The following RETREG1 variants were observed in gnomAD, a reference collection of about 807,000 sequenced individuals.
RETREG1 encodes family with sequence similarity 134 member B.
A neutral mutation model predicts 54.8 loss-of-function variants in RETREG1; 44 were observed. The ratio of observed to expected loss-of-function variants is 0.80; its 90% CI spans 0.63 to 1.03. The LOEUF (loss-of-function observed/expected upper bound fraction) is 1.03. RETREG1 is among the 50% of genes least tolerant of loss of function. RETREG1 has a pLI of 0.00. For missense variants in RETREG1, 554 were observed against 605.1 expected (o/e 0.92, Z 0.89); for synonymous variants, 217 against 238.5 (o/e 0.91, Z 0.83).
Position 16,477,758 on chromosome 5 carries a change from A to C in RETREG1, c.904T>G (p.Ser302Ala). ...ISLTVAAKEL[S>A]VSDTDVSEVS... is the part of the protein sequence containing the mutation. ...TCTGAGACGTCTGTGTCAGACACAG[A>C]TAACTCTTTGGCAGCAACCGTGAGG... Residue 302 changes from serine (S) to alanine (A), a missense_variant, in exon 8 of 9, where the codon TCT (serine) becomes GCT (alanine). Ser to Ala is a moderately conservative substitution (Grantham distance 99). Transcript: ENST00000306320. The C allele has an allele frequency of 6.2e-7, 1 of 1,613,460 alleles. No individual in the cohort carries two copies.
At chr5:16,557,314 T>C (rs1031816917) in intron 3 of RETREG1, among the ~76,000 whole-genome samples, 1 of 152,234 alleles carries the variant, frequency 6.6e-6, no homozygotes, top group African/African-American at 2.4e-5. Flanking sequence ...TCATAATTTT[T>C]TATGTAGGTA....
chr5:16,583,224 T>C (rs1354816211), intron 1 of RETREG1, among the ~76,000 whole-genome samples: 1 of 152,020 alleles, frequency 6.6e-6, no homozygotes, highest in Non-Finnish European at 1.5e-5. Context: ...CTCACAGCTG[T>C]AATCCCAGCA....
chr5:16,574,820 A>G (rs1331946638), intron 1 of RETREG1, among the ~76,000 whole-genome samples: 2 of 152,242 alleles, frequency 1.3e-5, no homozygotes, highest in African/African-American at 2.4e-5. Flanking sequence ...AATTAGGAGC[A>G]TAGAAAGATG....
At chr5:16,499,281 C>T (rs956867032) in intron 3 of RETREG1, among the ~76,000 whole-genome samples, 6 of 152,142 alleles carry the variant, frequency 3.9e-5, no homozygotes, top group African/African-American at 1.4e-4. Flanking sequence ...ATTTCGTTTA[C>T]TTCAATCATG....
At chr5:16,559,048 A>G (rs1001166193) in intron 3 of RETREG1, among the ~76,000 whole-genome samples, 2 of 152,180 alleles carry the variant, frequency 1.3e-5, no homozygotes, top group African/African-American at 4.8e-5. Context: ...TTCTGGGCCT[A>G]TAAGCTGGGT....
At chr5:16,609,174 A>T (rs1743273489) in intron 1 of RETREG1, among the ~76,000 whole-genome samples, 1 of 152,156 alleles carries the variant, frequency 6.6e-6, no homozygotes, top group African/African-American at 2.4e-5. Flanking sequence ...CACTACAAAC[A>T]TTCTATTGAA....
intron 3 of RETREG1, among the ~76,000 whole-genome samples, chr5:16,488,934 T>C (rs1031362336): frequency 2.6e-5 from 4 of 151,798 alleles, no homozygotes; most frequent in Non-Finnish European, 4.4e-5. Context: ...AGTACAAAAA[T>C]TAGCCAGGCC....
At chr5:16,577,284 G>C (rs1211695399) in intron 1 of RETREG1, among the ~76,000 whole-genome samples, 1 of 130,692 alleles carries the variant, frequency 7.7e-6, no homozygotes, top group Admixed American at 8.0e-5. Context: ...ATAAGACTTA[G>C]GTTTGTTTTT....
chr5:16,547,345 G>A (rs760915285), intron 3 of RETREG1, among the ~76,000 whole-genome samples: 9 of 152,188 alleles, frequency 5.9e-5, no homozygotes, highest in African/African-American at 9.7e-5. Context: ...TATTTTATCC[G>A]AGGAAAACAT....
rs1742849878 is a variant in RETREG1, at chr5:16,594,569, A to G, written c.320+22083T>C. Among the ~76,000 whole-genome samples, 1 of 151,974 alleles carries G rather than the reference A, an allele frequency of 6.6e-6. No homozygotes were observed. Among genetic ancestry groups the G allele is most frequent in the Non-Finnish European group, 1.5e-5 (1 of 67,994 alleles). ...GCAAAACCCCATCTCTACTAAAAATACAAAAATTAGCTGGGCGTGGTGGCG... is the reference window on the plus strand; with the variant it reads ...GCAAAACCCCATCTCTACTAAAAATGCAAAAATTAGCTGGGCGTGGTGGCG... On this transcript the variant is annotated intron_variant, in intron 1 of 8. Coordinates refer to ENST00000306320, the MANE Select transcript of RETREG1 (RefSeq NM_001034850.3). This position sits in a 1 kb window ranked among gnomAD's most constrained non-coding sequence, Gnocchi z 4.4.
chr5:16,502,965 A>G (rs1739778179), intron 3 of RETREG1, among the ~76,000 whole-genome samples: 1 of 152,228 alleles, frequency 6.6e-6, no homozygotes, highest in South Asian at 2.1e-4. Context: ...TTGTCCTGTC[A>G]GTCACCAAGG....
intron 1 of RETREG1, among the ~76,000 whole-genome samples, chr5:16,606,939 G>GGCCT (rs1743206442): frequency 6.6e-6 from 1 of 152,118 alleles, no homozygotes; most frequent in Admixed American, 6.5e-5. Flanking sequence ...CAGCCACAAT[G>GGCCT]GCCTCCTTGC....
intron 3 of RETREG1, among the ~76,000 whole-genome samples, chr5:16,538,600 T>C (rs1741145051): frequency 6.6e-6 from 1 of 152,152 alleles, no homozygotes; most frequent in South Asian, 2.1e-4. Flanking sequence ...ACGATGTCCC[T>C]GCCTCTCAGT....
Position 16,520,325 on chromosome 5 carries a change from T to TTTG in RETREG1, c.459-36856_459-36854dup, listed in dbSNP as rs1554019103. 8.3e-4 allele frequency among the ~76,000 whole-genome samples: 126 copies of TTTG among 151,704 alleles called. 1 individual carries two copies. The highest frequency in any genetic ancestry group is 2.6e-3 in the African/African-American group (106 of 41,356). On this transcript the variant is annotated intron_variant, in intron 3 of 8. Coordinates refer to ENST00000306320, the MANE Select transcript of RETREG1 (RefSeq NM_001034850.3). ...TTTTTGGGGGTTTTGTGGTTTTTTTTTTGTTGTTGTTGTTGTTTTTTGAGA... is the reference window on the plus strand; with the variant it reads ...TTTTTGGGGGTTTTGTGGTTTTTTTTTTGTTGTTGTTGTTGTTGTTTTTTGAGA...
At chr5:16,480,977 C>T in intron 5 of RETREG1, 32 bp downstream of exon 5, 2 of 1,482,970 alleles carry the variant, frequency 1.3e-6, no homozygotes, top group Non-Finnish European at 1.9e-6. Flanking sequence ...ATATGCATCA[C>T]AACACTTAGC....
chr5:16,513,903 C>T (rs74435148), intron 3 of RETREG1, among the ~76,000 whole-genome samples: 54 of 152,294 alleles, frequency 3.5e-4, no homozygotes, highest in African/African-American at 1.1e-3. Flanking sequence ...AATTATTTTA[C>T]GCTGACTGGT....
chr5:16,615,399 CA>C (rs35626131), intron 1 of RETREG1, among the ~76,000 whole-genome samples: 2,594 of 92,732 alleles, frequency 0.028, 56 homozygotes, highest in African/African-American at 0.096. Flanking sequence ...GACTCCATCT[CA>C]AAAAAAAAAA....
chr5:16,549,503 C>T (rs916002957), intron 3 of RETREG1, among the ~76,000 whole-genome samples: 4 of 152,184 alleles, frequency 2.6e-5, no homozygotes, highest in Non-Finnish European at 5.9e-5. Context: ...GATAGTCCTA[C>T]TTTGACCCCC....
intron 3 of RETREG1, among the ~76,000 whole-genome samples, chr5:16,529,685 CT>C (rs1740850962): frequency 6.6e-6 from 1 of 152,068 alleles, no homozygotes; most frequent in East Asian, 1.9e-4. Context: ...CTTAGCCTTA[CT>C]TGAGTTCTTA....
Sources: allele counts gnomAD v4.1 joint callset (sites outside exome capture counted in the v4.1 genomes callset), GRCh38; gene constraint gnomAD v4.1.1; non-coding constraint Gnocchi (gnomAD v3.1); transcripts MANE v1.5; gene names NCBI Gene and HGNC (gene_info 2026-07-23, HGNC 2026-07-21).